Variants in MAP2 observed in about 807,000 individuals in gnomAD.
MAP2 encodes the protein microtubule associated protein 2.
Under a neutral mutation model 137.6 loss-of-function variants are expected in MAP2, and 14 were observed. The ratio of observed to expected loss-of-function variants is 0.10; its 90% CI spans 0.07 to 0.16. MAP2 has a LOEUF of 0.16. Among genes scored for constraint, MAP2 ranks in the 10% least tolerant of loss-of-function variants. MAP2 has a pLI of 1.00. For synonymous variants in MAP2, 786 were observed against 782.3 expected (o/e 1.00, Z -0.08); for missense variants, 2,088 against 2,191.5 (o/e 0.95, Z 0.94).
intron 5 of MAP2, among the ~76,000 whole-genome samples, chr2:209,657,167 C>T (rs141033958): frequency 7.2e-4 from 109 of 152,260 alleles, no homozygotes; most frequent in Non-Finnish European, 1.4e-3. Context: ...TTTTCTTTAT[C>T]CAGTCATCCA....
intron 1 of MAP2, among the ~76,000 whole-genome samples, chr2:209,480,786 G>C (rs1708542348): frequency 6.6e-6 from 1 of 152,172 alleles, no homozygotes; most frequent in Admixed American, 6.5e-5. Context: ...CAGAAGTCCT[G>C]TTGGTATAGG....
intron 2 of MAP2, among the ~76,000 whole-genome samples, chr2:209,552,347 T>C (rs1257720798): frequency 6.6e-6 from 1 of 152,186 alleles, no homozygotes; most frequent in Admixed American, 6.5e-5. Context: ...ATCCATCTGC[T>C]TCTATTTTTA....
rs560684241 is a variant in MAP2, at chr2:209,571,153, T to TA, written c.-171-8882dup. Among the ~76,000 whole-genome samples the TA allele has an allele frequency of 2.2e-4, 33 of 152,048 alleles. No homozygotes were observed. The East Asian group carries it at 6.2e-3, about 28-fold the overall frequency. ...GGTTACATGGTATGTGTGTAAAATA[T>TA]ATGCTTATACAAGAACCCTTTTGCA... On this transcript the variant is annotated intron_variant, in intron 2 of 15. Coordinates refer to ENST00000682079, the MANE Select transcript of MAP2 (RefSeq NM_001375505.1).
At chr2:209,562,160 A>G (rs2072261846) in intron 2 of MAP2, among the ~76,000 whole-genome samples, 1 of 152,206 alleles carries the variant, frequency 6.6e-6, no homozygotes, top group East Asian at 1.9e-4. Flanking sequence ...AATTTTGCTC[A>G]GTGACTAGAA....
At chr2:209,715,479 T>C (rs562040399) in intron 13 of MAP2, among the ~76,000 whole-genome samples, 17 of 152,070 alleles carry the variant, frequency 1.1e-4, no homozygotes, top group African/African-American at 4.1e-4. Flanking sequence ...CTTGCCATCA[T>C]GGAATTTACA....
chr2:209,585,080 C>T (rs530866322), intron 3 of MAP2, among the ~76,000 whole-genome samples: 1 of 151,872 alleles, frequency 6.6e-6, no homozygotes, highest in Admixed American at 6.6e-5. Flanking sequence ...TGTGGGTGGA[C>T]TGGGCTCGTA....
At chr2:209,583,936 T>G (rs567832731) in intron 3 of MAP2, among the ~76,000 whole-genome samples, 1 of 152,088 alleles carries the variant, frequency 6.6e-6, no homozygotes, top group Non-Finnish European at 1.5e-5. Context: ...CCCTCTGCGC[T>G]TTAGTAGTCC....
At chr2:209,676,763 ATATATATATC>A (rs1280212404) in intron 5 of MAP2, among the ~76,000 whole-genome samples, 6 of 95,704 alleles carry the variant, frequency 6.3e-5, no homozygotes, top group South Asian at 6.7e-4. Flanking sequence ...ATATATATAT[ATATATATATC>A]TCCCAATTTC....
intron 1 of MAP2, among the ~76,000 whole-genome samples, chr2:209,488,545 CACTT>C (rs1395190548): frequency 6.6e-6 from 1 of 152,166 alleles, no homozygotes; most frequent in African/African-American, 2.4e-5. Context: ...TGGCTTGAAA[CACTT>C]GCTGCCAGCA....
chr2:209,699,654 A>C (rs1219052314), intron 10 of MAP2, among the ~76,000 whole-genome samples: 1 of 152,166 alleles, frequency 6.6e-6, no homozygotes, highest in Non-Finnish European at 1.5e-5. Flanking sequence ...TACTGAACTT[A>C]AATTTTCTCT....
intron 1 of MAP2, among the ~76,000 whole-genome samples, chr2:209,486,433 A>G (rs1489279695): frequency 6.6e-6 from 1 of 152,114 alleles, no homozygotes; most frequent in Non-Finnish European, 1.5e-5. Context: ...CATATTGGCC[A>G]GGATTGTCTT....
At chr2:209,660,701 AATTATTATTATTATTATTATT>A (rs562421271) in intron 5 of MAP2, among the ~76,000 whole-genome samples, 3 of 104,440 alleles carry the variant, frequency 2.9e-5, no homozygotes, top group African/African-American at 3.8e-5. Context: ...GGCCTGCTGC[AATTATTATTATTATTATTATT>A]ATTATTATTA....
chr2:209,532,011 G>T (rs2065179871), intron 2 of MAP2, among the ~76,000 whole-genome samples: 1 of 152,136 alleles, frequency 6.6e-6, no homozygotes, highest in South Asian at 2.1e-4. Context: ...GGCTGAGGTG[G>T]CAGGATTGCG....
At chr2:209,425,456 T>G (rs73065164) in intron 1 of MAP2, among the ~76,000 whole-genome samples, 4,059 of 152,270 alleles carry the variant, frequency 0.027, 202 homozygotes, top group African/African-American at 0.092. Context: ...TTGGAAATTA[T>G]GTTGTGAATA....
At chr2:209,549,018 T>C (rs1443792694) in intron 2 of MAP2, among the ~76,000 whole-genome samples, 1 of 152,188 alleles carries the variant, frequency 6.6e-6, no homozygotes, top group African/African-American at 2.4e-5. Context: ...TCTGTGTTTC[T>C]AGAATGTTGA....
chr2:209,616,405 G>C (rs183185530), intron 3 of MAP2, among the ~76,000 whole-genome samples: 144 of 145,402 alleles, frequency 9.9e-4, no homozygotes, highest in Middle Eastern at 3.5e-3. Context: ...TTACTTCAAA[G>C]ACCAAATTTG....
chr2:209,604,416 A>G (rs748730782), intron 3 of MAP2, among the ~76,000 whole-genome samples: 1 of 152,234 alleles, frequency 6.6e-6, no homozygotes, highest in Non-Finnish European at 1.5e-5. Context: ...AATTGTAGCA[A>G]AAAGGTTTTT....
Position 209,730,476 on chromosome 2 carries a change from T to G in MAP2, c.*79T>G, listed in dbSNP as rs2075639368. On this transcript the variant is annotated 3_prime_UTR_variant, in exon 16 of 16. Transcript: ENST00000682079. ...GAGTGGGCTCTGAGCAGTTGTTATA[T>G]TCATTCTTTATAAACCATAAAATAA... 1.1e-6 allele frequency: 1 copy of G among 938,526 alleles called. No individual in the cohort carries two copies. Among genetic ancestry groups the G allele is most frequent in the Non-Finnish European group, 1.7e-6 (1 of 603,306 alleles). The allele number at this position is 938,526 out of a possible 1,614,324, so 58.1% of individuals were successfully genotyped here.
chr2:209,438,095 G>A (rs1432340978), intron 1 of MAP2, among the ~76,000 whole-genome samples: 3 of 151,564 alleles, frequency 2.0e-5, no homozygotes, highest in Non-Finnish European at 4.4e-5. Context: ...AAAGTATCTC[G>A]AATATTAGCA....
Sources: allele counts gnomAD v4.1 joint callset (sites outside exome capture counted in the v4.1 genomes callset), GRCh38; gene constraint gnomAD v4.1.1; transcripts MANE v1.5; gene names NCBI Gene and HGNC (gene_info 2026-07-23, HGNC 2026-07-21).